Variants in NFIB observed in about 807,000 individuals in gnomAD.
NFIB encodes nuclear factor I B, also known as nuclear factor 1 B-type.
NFIB carries 11 observed loss-of-function variants against 61.5 expected under a neutral mutation model. The ratio of observed to expected loss-of-function variants is 0.18; its 90% CI spans 0.11 to 0.30. The LOEUF (loss-of-function observed/expected upper bound fraction) is 0.30. NFIB is among the 10% of genes least tolerant of loss of function. The pLI, the probability that NFIB is intolerant of heterozygous loss-of-function variation, is 1.00. For synonymous variants in NFIB, 260 were observed against 216.5 expected (o/e 1.20, Z -1.76); for missense variants, 471 against 608.9 (o/e 0.77, Z 2.38).
chr9:14,334,943 ACT>A (rs758661638), intron 1 of NFIB, among the ~76,000 whole-genome samples: 130 of 152,224 alleles, frequency 8.5e-4, no homozygotes, highest in Non-Finnish European at 1.5e-3. Context: ...AACAGTATGT[ACT>A]CTTTTTCATC....
rs571210630 is a variant in NFIB at position 14,236,446 on chromosome 9, T to G, written c.563-56666A>C. On this transcript the variant is annotated intron_variant, in intron 2 of 10. Transcript: ENST00000380953. ...AATTACCATAAAACTCTACCACAAATGCCCTAGAGTCCACGGGTGTGAGTG... is the reference window on the plus strand; with the variant it reads ...AATTACCATAAAACTCTACCACAAAGGCCCTAGAGTCCACGGGTGTGAGTG... Among the ~76,000 whole-genome samples, 497 of 152,306 alleles carry G rather than the reference T, an allele frequency of 3.3e-3. 8 individuals carry two copies. The Middle Eastern group carries it at 0.034, about 10-fold the overall frequency.
chr9:14,483,317 G>T, the NFIB span, among the ~76,000 whole-genome samples: 1 of 152,138 alleles, frequency 6.6e-6, no homozygotes, highest in African/African-American at 2.4e-5. Context: ...CATTGCTACC[G>T]GGATATATAG....
upstream of NFIB, among the ~76,000 whole-genome samples, chr9:14,401,517 T>C (rs1408564212): frequency 6.6e-6 from 1 of 152,234 alleles, no homozygotes; most frequent in East Asian, 1.9e-4. Context: ...TGGCACCTAG[T>C]ACAGTTCCTA....
intron 6 of NFIB, among the ~76,000 whole-genome samples, chr9:14,133,031 A>G (rs2040584248): frequency 6.6e-6 from 1 of 152,206 alleles, no homozygotes; most frequent in Admixed American, 6.5e-5. Context: ...AGGAAAGAAC[A>G]TACATAAGCA....
chr9:14,254,694 AATTTAATTATCAC>A (rs2056034765), intron 2 of NFIB, among the ~76,000 whole-genome samples: 1 of 152,324 alleles, frequency 6.6e-6, no homozygotes, highest in South Asian at 2.1e-4. Flanking sequence ...TGAGATAAAT[AATTTAATTATCAC>A]ATGCTTATTA....
chr9:14,464,354 T>G, the NFIB span, among the ~76,000 whole-genome samples: 1 of 152,182 alleles, frequency 6.6e-6, no homozygotes, highest in Non-Finnish European at 1.5e-5. Flanking sequence ...GTGCATGACA[T>G]AGATATATTT....
rs2060693379 is a variant in NFIB at position 14,322,758 on chromosome 9, G to A, written c.109-15238C>T. 3.3e-5 allele frequency among the ~76,000 whole-genome samples: 5 copies of A among 152,008 alleles called. No individual in the cohort carries two copies. In the South Asian group the frequency reaches 1.0e-3, roughly 32 times the overall value. On this transcript the variant is annotated intron_variant, in intron 1 of 8. Transcript: ENST00000380934. ...CGGGCCCGAGTGGGTGTGGCGGCCTGCGCCGCGCGGCGCCCCTCTCGAGCG... is the reference window on the plus strand; with the variant it reads ...CGGGCCCGAGTGGGTGTGGCGGCCTACGCCGCGCGGCGCCCCTCTCGAGCG...
chr9:14,152,708 A>G (rs2042995729), intron 4 of NFIB, among the ~76,000 whole-genome samples: 1 of 152,144 alleles, frequency 6.6e-6, no homozygotes, highest in Admixed American at 6.6e-5. Flanking sequence ...GTAAATGATA[A>G]TTTTAAAATC....
intron 2 of NFIB, among the ~76,000 whole-genome samples, chr9:14,196,804 G>A (rs1257672441): frequency 6.6e-6 from 1 of 151,936 alleles, no homozygotes; most frequent in Non-Finnish European, 1.5e-5. Context: ...GTTTTCTTAG[G>A]CCGTTTATGT....
chr9:14,142,636 G>T (rs1488479044), intron 6 of NFIB, among the ~76,000 whole-genome samples: 5 of 151,872 alleles, frequency 3.3e-5, no homozygotes, highest in Non-Finnish European at 7.4e-5. Context: ...TCTCTGAATT[G>T]ACTCAGATGG....
rs1586825467 is a variant in NFIB at position 14,120,267 on chromosome 9, G to A, written c.1245+173C>T. ...CTTTGGGGCAACACACTTCCTACCT[G>A]TCATTCAGCCACCTTTAAATAAAAA... On this transcript the variant is annotated intron_variant, in intron 8 of 10. Coordinates refer to ENST00000380953, the MANE Select transcript of NFIB (RefSeq NM_001190737.2). This position sits in a 1 kb window ranked among gnomAD's most constrained non-coding sequence, Gnocchi z 4.4. Among the ~76,000 whole-genome samples the A allele has an allele frequency of 6.6e-6, 1 of 152,148 alleles. No individual in the cohort carries two copies. The highest frequency in any genetic ancestry group is 1.5e-5 in the Non-Finnish European group (1 of 68,036).
At chr9:14,240,358 A>G (rs1411227367) in intron 2 of NFIB, among the ~76,000 whole-genome samples, 1 of 152,120 alleles carries the variant, frequency 6.6e-6, no homozygotes, top group Non-Finnish European at 1.5e-5. Flanking sequence ...TCCCCTATTC[A>G]GACATGCATA....
chr9:14,298,405 A>G (rs2059564553), intron 2 of NFIB, among the ~76,000 whole-genome samples: 1 of 152,222 alleles, frequency 6.6e-6, no homozygotes, highest in Admixed American at 6.5e-5. Context: ...TAAATATAAA[A>G]AGCTGAAAAG....
the NFIB span, among the ~76,000 whole-genome samples, chr9:14,417,690 CT>C: frequency 6.6e-6 from 1 of 150,934 alleles, no homozygotes; most frequent in East Asian, 1.9e-4. Context: ...TCAAAATCAT[CT>C]GGGGTATTAT....
At chr9:14,490,076 G>A in the NFIB span, among the ~76,000 whole-genome samples, 1 of 152,126 alleles carries the variant, frequency 6.6e-6, no homozygotes. Context: ...TTGTAATTCT[G>A]ATAAGTTGCC....
chr9:14,313,663 C>T lies in NFIB; in HGVS notation c.-152G>A. Reference sequence around the variant, plus strand: ...TGGATCACCGCAACTTCACAACAAACCCAGTCCTCCTTAAATAGCCAAAGA... The same window carrying T: ...TGGATCACCGCAACTTCACAACAAATCCAGTCCTCCTTAAATAGCCAAAGA... On this transcript the variant is annotated 5_prime_UTR_variant, in exon 1 of 11. Transcript: ENST00000380953. This position sits in a 1 kb window ranked among gnomAD's most constrained non-coding sequence, Gnocchi z 4.5. 1.3e-6 allele frequency: 2 copies of T among 1,492,854 alleles called. No individual in the cohort carries two copies. Among genetic ancestry groups the T allele is most frequent in the South Asian group, 1.3e-5 (1 of 75,364 alleles). The allele number at this position is 1,492,854 out of a possible 1,614,324, so 92.5% of individuals were successfully genotyped here. A position where few individuals can be genotyped will look rare whatever the true frequency, so the allele number is the denominator to read the frequency against.
At chr9:14,339,056 T>G (rs1025553774) in intron 1 of NFIB, among the ~76,000 whole-genome samples, 1 of 152,204 alleles carries the variant, frequency 6.6e-6, no homozygotes, top group Non-Finnish European at 1.5e-5. Context: ...CCACTTTACT[T>G]GGCCATCCCA....
At chr9:14,205,950 C>T (rs1450503647) in intron 2 of NFIB, among the ~76,000 whole-genome samples, 3 of 152,104 alleles carry the variant, frequency 2.0e-5, no homozygotes, top group Admixed American at 2.0e-4. Context: ...CACACACACA[C>T]ACACACTTTT....
At position 14,314,018 on chromosome 9, in the gene NFIB, C is replaced by G. The variant is rs1190475175; in HGVS notation, c.-507G>C. On this transcript the variant is annotated 5_prime_UTR_variant, in exon 1 of 11. Transcript: ENST00000380953. ...AGGGAGAGCGGGGAGAATGTGTCAC[C>G]GCGCTGGGAAAGTTCAAGGTTACAG... 1.9e-6 allele frequency: 2 copies of G among 1,067,726 alleles called. No individual in the cohort carries two copies. Among genetic ancestry groups the G allele is most frequent in the African/African-American group, 1.7e-5 (1 of 60,048 alleles). The allele number at this position is 1,067,726 out of a possible 1,614,324, so 66.1% of individuals were successfully genotyped here.
Sources: gnomAD v4.1 joint callset for allele counts (sites outside exome capture counted in the v4.1 genomes callset) on GRCh38, gnomAD v4.1.1 for gene constraint, Gnocchi (gnomAD v3.1) non-coding constraint, MANE v1.5 for transcripts, NCBI Gene and HGNC (gene_info 2026-07-23, HGNC 2026-07-21) for gene names.